The following ABCA13 variants were observed in gnomAD, a reference collection of about 807,000 sequenced individuals.
ABCA13 encodes the protein ATP-binding cassette sub-family A member 13.
Under a neutral mutation model 478.7 loss-of-function variants are expected in ABCA13, and 476 were observed. The observed-to-expected ratio is 0.99, with a 90% confidence interval of 0.92 to 1.07. The LOEUF is 1.07. ABCA13 is among the 50% of genes least tolerant of loss of function. The pLI, the probability that ABCA13 is intolerant of heterozygous loss-of-function variation, is 0.00. For synonymous variants in ABCA13, 2,252 were observed against 2,158.9 expected (o/e 1.04, Z -1.20); for missense variants, 6,060 against 5,910.6 (o/e 1.03, Z -0.83).
chr7:48,458,564 A>T (rs1235073395), intron 43 of ABCA13, among the ~76,000 whole-genome samples: 1 of 152,222 alleles, frequency 6.6e-6, no homozygotes, highest in African/African-American at 2.4e-5. Flanking sequence ...GACAATTCTC[A>T]ATAGAGCCCC....
chr7:48,552,789 G>C (rs573839082), intron 55 of ABCA13, among the ~76,000 whole-genome samples: 1 of 151,558 alleles, frequency 6.6e-6, no homozygotes, highest in African/African-American at 2.4e-5. Flanking sequence ...GACAAATGGG[G>C]TATCTGCCCC....
chr7:48,527,152 C>T (rs966420676), intron 54 of ABCA13, among the ~76,000 whole-genome samples: 2 of 151,918 alleles, frequency 1.3e-5, no homozygotes, highest in African/African-American at 2.4e-5. Flanking sequence ...AGCCTAAAAG[C>T]GTTGGTAGAA....
At chr7:48,394,484 A>G (rs1380939862) in intron 38 of ABCA13, among the ~76,000 whole-genome samples, 1 of 152,034 alleles carries the variant, frequency 6.6e-6, no homozygotes, top group Non-Finnish European at 1.5e-5. Flanking sequence ...GTCCAGAACA[A>G]CTTCCCACTC....
intron 42 of ABCA13, among the ~76,000 whole-genome samples, chr7:48,441,364 T>C (rs1168205959): frequency 1.3e-5 from 2 of 152,212 alleles, no homozygotes; most frequent in East Asian, 3.8e-4. Context: ...AAGATTACTC[T>C]TTTGTTATTG....
Position 48,248,335 on chromosome 7 carries a change from T to C in ABCA13, c.1756T>C (p.Ser586Pro). The change falls in exon 14 of 62, where the codon TCA becomes CCA. Residue 586 changes from serine (S) to proline (P), a missense_variant. By Grantham distance (74) the Ser-to-Pro change is moderately conservative. Around this residue, in one of 3 missense-constraint regions of ABCA13, gnomAD observed 4,423 missense variants for 4,309.1 expected, o/e 1.03. Coordinates refer to ENST00000435803, the MANE Select transcript of ABCA13 (RefSeq NM_152701.5). ...CTGGCAGGAACTTGAGATGCAGCTGTCAGAAGCAAGCCTTTCCTGTACTCG... is the reference window on the plus strand; with the variant it reads ...CTGGCAGGAACTTGAGATGCAGCTGCCAGAAGCAAGCCTTTCCTGTACTCG... The part of the protein sequence containing the change: ...LDWQELEMQL[S>P]EASLSCTRLF... 1 of 1,613,930 alleles carries C rather than the reference T, an allele frequency of 6.2e-7. No homozygotes were observed. The highest frequency in any genetic ancestry group is 8.5e-7 in the Non-Finnish European group (1 of 1,179,804).
intron 35 of ABCA13, among the ~76,000 whole-genome samples, chr7:48,381,395 G>A (rs539089631): frequency 5.6e-4 from 85 of 151,144 alleles, no homozygotes; most frequent in African/African-American, 1.9e-3. Context: ...ACACACGCAC[G>A]CACACACCCC....
intron 6 of ABCA13, among the ~76,000 whole-genome samples, chr7:48,227,937 CGTTG>C (rs1441367032): frequency 6.6e-6 from 1 of 152,138 alleles, no homozygotes; most frequent in Non-Finnish European, 1.5e-5. Context: ...GTTAGCTGGA[CGTTG>C]GTCTCCTATG....
intron 55 of ABCA13, among the ~76,000 whole-genome samples, chr7:48,550,508 C>T (rs961211795): frequency 6.6e-6 from 1 of 151,210 alleles, no homozygotes; most frequent in Non-Finnish European, 1.5e-5. Context: ...TCCGCCCCCC[C>T]TCAGCCTCCC....
At chr7:48,633,261 C>A (rs1794307650) in intron 59 of ABCA13, among the ~76,000 whole-genome samples, 1 of 152,050 alleles carries the variant, frequency 6.6e-6, no homozygotes, top group African/African-American at 2.4e-5. Flanking sequence ...CAAAGGCACT[C>A]AAATTCATAA....
chr7:48,262,537 G>T (rs1206516532), intron 15 of ABCA13, among the ~76,000 whole-genome samples: 1 of 151,724 alleles, frequency 6.6e-6, no homozygotes, highest in African/African-American at 2.4e-5. Context: ...TTGTCTATTT[G>T]CTTTCTTCCT....
intron 27 of ABCA13, among the ~76,000 whole-genome samples, chr7:48,333,433 G>A (rs1805717601): frequency 6.6e-6 from 1 of 152,144 alleles, no homozygotes; most frequent in Non-Finnish European, 1.5e-5. Flanking sequence ...AATATCTGAT[G>A]TGTCTCAATA....
intron 35 of ABCA13, among the ~76,000 whole-genome samples, chr7:48,379,389 TTACC>T (rs1471473019): frequency 6.6e-6 from 1 of 152,174 alleles, no homozygotes; most frequent in Non-Finnish European, 1.5e-5. Context: ...ATATTTTATA[TTACC>T]TCCTTTACTC....
chr7:48,321,520 G>A (rs180714019), intron 27 of ABCA13, among the ~76,000 whole-genome samples: 40 of 152,132 alleles, frequency 2.6e-4, no homozygotes, highest in Admixed American at 1.8e-3. Context: ...TGTGTAGGCC[G>A]GCCCTGAGCT....
At chr7:48,209,667 A>T (rs931551087) in intron 3 of ABCA13, among the ~76,000 whole-genome samples, 3 of 152,186 alleles carry the variant, frequency 2.0e-5, no homozygotes, top group African/African-American at 7.2e-5. Flanking sequence ...AAATAGAAAG[A>T]TATTCTATGT....
intron 42 of ABCA13, among the ~76,000 whole-genome samples, chr7:48,448,148 A>G (rs1824532684): frequency 6.6e-6 from 1 of 152,170 alleles, no homozygotes; most frequent in Admixed American, 6.5e-5. Context: ...AAATGTGACC[A>G]AAATAGAAAT....
chr7:48,533,629 C>A (rs1833384582), intron 55 of ABCA13, among the ~76,000 whole-genome samples: 1 of 151,998 alleles, frequency 6.6e-6, no homozygotes, highest in African/African-American at 2.4e-5. Context: ...CTATCTGTCT[C>A]ATTTTTTAGG....
chr7:48,308,783 T>G (rs1352317406), intron 23 of ABCA13, among the ~76,000 whole-genome samples: 1 of 151,680 alleles, frequency 6.6e-6, no homozygotes, highest in Admixed American at 6.6e-5. Flanking sequence ...ACTGTACCTT[T>G]TCTATGTTTA....
rs1428070899 is a variant in ABCA13, at chr7:48,279,458, G to A, written c.8264G>A (p.Trp2755Ter). The change falls in exon 18 of 62, where the codon TGG (tryptophan) becomes TAG (stop). Residue 2755 changes from tryptophan (W) to a stop codon, truncating the protein, a stop_gained. Coordinates refer to ENST00000435803, the MANE Select transcript of ABCA13 (RefSeq NM_152701.5). LOFTEE classifies it high-confidence loss of function. ...ALWKNLKKDNWNVSNVLMTFT... is the reference protein window; with the variant it reads ...ALWKNLKKDN ...TGGAAAAACTTAAAGAAAGATAATT[G>A]GAATGTTTCTAATGTGTTGATGACA... 3.1e-6 allele frequency: 5 copies of A among 1,609,346 alleles called. No homozygotes were observed. The East Asian group carries it at 6.7e-5, about 22-fold the overall frequency.
intron 58 of ABCA13, chr7:48,603,966 A>G (rs1791187049): frequency 6.6e-6 from 1 of 152,026 alleles, no homozygotes; most frequent in South Asian, 2.1e-4. Context: ...TGGAGGGTGT[A>G]TATTATTTCA....
Sources: allele counts gnomAD v4.1 joint callset (sites outside exome capture counted in the v4.1 genomes callset), GRCh38; gene constraint gnomAD v4.1.1; regional missense constraint gnomAD v4.1.1; transcripts MANE v1.5; gene names NCBI Gene and HGNC (gene_info 2026-07-23, HGNC 2026-07-21).